ARAP2: variants seen among roughly 807,000 people sequenced by gnomAD.
ARAP2 encodes arf-GAP with Rho-GAP domain, ANK repeat and PH domain-containing protein 2.
In ARAP2, 148 loss-of-function variants were observed where a neutral mutation model predicts 194.5. That is an observed-to-expected ratio of 0.76 (90% CI 0.67 to 0.87). The LOEUF (loss-of-function observed/expected upper bound fraction) is 0.87, where lower values mean the gene tolerates loss of function less well. Ranked by LOEUF, ARAP2 falls within the 40% of genes least tolerant of loss-of-function variation. ARAP2 has a pLI of 0.00. For synonymous variants in ARAP2, 695 were observed against 683.5 expected (o/e 1.02, Z -0.26); for missense variants, 2,128 against 1,989.7 (o/e 1.07, Z -1.32).
chr4:36,158,565 T>C (rs1733127558), intron 15 of ARAP2, among the ~76,000 whole-genome samples, 165 bp downstream of exon 15: 1 of 152,180 alleles, frequency 6.6e-6, no homozygotes, highest in Non-Finnish European at 1.5e-5. Context: ...CCTGCTGCAG[T>C]ACATGAAATA....
At chr4:36,106,652 A>T (rs773843079) in intron 27 of ARAP2, among the ~76,000 whole-genome samples, 18 of 151,918 alleles carry the variant, frequency 1.2e-4, no homozygotes, top group Admixed American at 9.2e-4. Flanking sequence ...GAGGAACACC[A>T]ATCAGTTCTT....
intron 5 of ARAP2, among the ~76,000 whole-genome samples, chr4:36,039,687 A>T (rs1475829966): frequency 6.6e-6 from 1 of 152,162 alleles, no homozygotes; most frequent in Non-Finnish European, 1.5e-5. Context: ...GTGCAAGTCC[A>T]TGTCTAGGGT....
intron 5 of ARAP2, among the ~76,000 whole-genome samples, chr4:36,027,566 G>A (rs1577581501): frequency 6.6e-6 from 1 of 151,676 alleles, no homozygotes; most frequent in African/African-American, 2.4e-5. Context: ...TACACCTAGG[G>A]AAAAAATAAC....
chr4:36,070,415 A>T (rs1726567817), intron 32 of ARAP2, among the ~76,000 whole-genome samples: 1 of 152,218 alleles, frequency 6.6e-6, no homozygotes, highest in Non-Finnish European at 1.5e-5. Context: ...AAAGTGGAAG[A>T]GCAAGAGATG....
chr4:36,170,847 T>C (rs1440435475), intron 9 of ARAP2, among the ~76,000 whole-genome samples: 1 of 152,090 alleles, frequency 6.6e-6, no homozygotes, highest in South Asian at 2.1e-4. Flanking sequence ...CTGTGCTTAG[T>C]CCTTTGGCTG....
chr4:36,066,204 A>C lies in ARAP2; in HGVS notation c.*1703T>G, dbSNP rs906785099. On this transcript the variant is annotated 3_prime_UTR_variant, in exon 33 of 33. Coordinates refer to ENST00000303965, the MANE Select transcript of ARAP2 (RefSeq NM_015230.4). ...TACTTTTCCACTGTCCAACATCACC[A>C]AATATTAATTTCCACATACCTCTTT... The C allele has an allele frequency of 3.3e-5, 5 of 152,212 alleles. No homozygotes were observed. The highest frequency in any genetic ancestry group is 1.2e-4 in the African/African-American group (5 of 41,468). 9.4% of individuals were successfully genotyped at this position (152,212 alleles called of 1,614,324 possible). A position where few individuals can be genotyped will look rare whatever the true frequency, so the allele number is the denominator to read the frequency against.
At chr4:36,082,886 A>G (rs1577795541) in intron 29 of ARAP2, among the ~76,000 whole-genome samples, 1 of 152,136 alleles carries the variant, frequency 6.6e-6, no homozygotes, top group Admixed American at 6.6e-5. Flanking sequence ...TAGCGCTTAC[A>G]TGCTATGATG....
chr4:36,221,367 T>C (rs942237498), intron 2 of ARAP2, among the ~76,000 whole-genome samples: 1 of 152,016 alleles, frequency 6.6e-6, no homozygotes, highest in Admixed American at 6.6e-5. Context: ...AGAAATAAGA[T>C]TATTATCCGC....
intron 19 of ARAP2, among the ~76,000 whole-genome samples, chr4:36,142,586 C>T (rs1728601331): frequency 6.6e-6 from 1 of 151,580 alleles, no homozygotes; most frequent in Non-Finnish European, 1.5e-5. Flanking sequence ...TGTATTCTCA[C>T]TAGGCATGTC....
chr4:36,124,671 A>G (rs2271332), intron 22 of ARAP2, among the ~76,000 whole-genome samples, 191 bp downstream of exon 22: 46,040 of 151,706 alleles, frequency 0.3, 8,181 homozygotes, highest in East Asian at 0.47. Flanking sequence ...GATGCATTTG[A>G]GGACACTGTA....
chr4:36,055,590 G>A (rs1215193301), intron 2 of ARAP2, among the ~76,000 whole-genome samples: 1 of 151,812 alleles, frequency 6.6e-6, no homozygotes, highest in Non-Finnish European at 1.5e-5. Context: ...TTGAGATGGA[G>A]TCTCACTCTG....
intron 27 of ARAP2, among the ~76,000 whole-genome samples, chr4:36,097,509 T>C (rs1178213073): frequency 2.0e-5 from 3 of 152,114 alleles, no homozygotes; most frequent in Admixed American, 2.0e-4. Context: ...CAGTAATTCA[T>C]TCTTCCAAAC....
At chr4:36,031,073 T>C (rs1440245255) in intron 5 of ARAP2, among the ~76,000 whole-genome samples, 1 of 152,184 alleles carries the variant, frequency 6.6e-6, no homozygotes, top group Non-Finnish European at 1.5e-5. Flanking sequence ...GAGGTTGCAG[T>C]GAGCCAAGAT....
rs746554015 is a variant in ARAP2 at position 36,166,990 on chromosome 4, G to C, written c.1915C>G (p.Gln639Glu). 2 of 1,608,758 alleles carry C rather than the reference G, an allele frequency of 1.2e-6. No individual in the cohort carries two copies. Among genetic ancestry groups the C allele is most frequent in the African/African-American group, 2.7e-5 (2 of 74,692 alleles). Residue 639 changes from glutamine (Q) to glutamate (E), a missense_variant, in exon 10 of 33, where the codon CAA becomes GAA. By Grantham distance (29) the Gln-to-Glu change is conservative (BLOSUM62 2). Coordinates refer to ENST00000303965, the MANE Select transcript of ARAP2 (RefSeq NM_015230.4). ...IIPMNVANVK[Q>E]VDRTVKQSFE... is the part of the protein sequence containing the mutation. Reference sequence around the variant, plus strand: ...GATTGTTTCACAGTTCGGTCCACTTGCTTTACATTTGCTACATTCATAGGA... The same window carrying C: ...GATTGTTTCACAGTTCGGTCCACTTCCTTTACATTTGCTACATTCATAGGA...
chr4:36,210,805 A>G, intron 5 of ARAP2, 62 bp from the exon 6 acceptor site: 8 of 1,200,212 alleles, frequency 6.7e-6, no homozygotes, highest in South Asian at 1.5e-5. Context: ...CATCAGTGAC[A>G]TTTTGAAAAT....
intron 26 of ARAP2, among the ~76,000 whole-genome samples, chr4:36,109,531 A>G (rs1444011287): frequency 1.3e-5 from 2 of 151,976 alleles, no homozygotes; most frequent in African/African-American, 2.4e-5. Context: ...TGCTATGTCA[A>G]TATTACTTTT....
At chr4:36,192,942 G>A (rs1742260846) in intron 7 of ARAP2, among the ~76,000 whole-genome samples, 2 of 152,162 alleles carry the variant, frequency 1.3e-5, no homozygotes, top group Admixed American at 1.3e-4. Flanking sequence ...GCTGCAGTGA[G>A]CCAAGATCCT....
rs1725925695 is a variant in ARAP2, at chr4:36,133,470, T to C, written c.3264-81A>G. 4.8e-6 allele frequency: 6 copies of C among 1,257,024 alleles called. No homozygotes were observed. The South Asian group carries it at 7.3e-5, about 15-fold the overall frequency. 77.9% of individuals were successfully genotyped at this position (1,257,024 alleles called of 1,614,324 possible). On this transcript the variant is annotated intron_variant, in intron 19 of 32. Transcript: ENST00000303965. ...TACTCCAAGACAGATTACCCTAAAATCCACACAATCATGCAAGACAAACTC... is the reference window on the plus strand; with the variant it reads ...TACTCCAAGACAGATTACCCTAAAACCCACACAATCATGCAAGACAAACTC...
At chr4:36,223,981 T>G (rs972968903) in intron 2 of ARAP2, among the ~76,000 whole-genome samples, 1 of 151,954 alleles carries the variant, frequency 6.6e-6, no homozygotes, top group East Asian at 1.9e-4. Context: ...TAAAGAACCT[T>G]AATATAAAAG....
Sources: allele counts gnomAD v4.1 joint callset (sites outside exome capture counted in the v4.1 genomes callset), GRCh38; gene constraint gnomAD v4.1.1; transcripts MANE v1.5; gene names NCBI Gene and HGNC (gene_info 2026-07-23, HGNC 2026-07-21).